TSPAN15: variants seen among roughly 807,000 people sequenced by gnomAD.
The protein encoded by TSPAN15 is tetraspanin 15, also known as tetraspanin-15.
TSPAN15 carries 20 observed loss-of-function variants against 34.5 expected under a neutral mutation model. That is an observed-to-expected ratio of 0.58 (90% CI 0.41 to 0.84). The LOEUF is 0.84. TSPAN15 is among the 40% of genes least tolerant of loss of function. TSPAN15 has a pLI of 0.00. For missense variants in TSPAN15, 313 were observed against 386.1 expected (o/e 0.81, Z 1.59); for synonymous variants, 155 against 153.9 (o/e 1.01, Z -0.05).
At chr10:69,502,242 A>G (rs956451251) in intron 5 of TSPAN15, among the ~76,000 whole-genome samples, 3 of 152,240 alleles carry the variant, frequency 2.0e-5, no homozygotes, top group African/African-American at 7.2e-5. Flanking sequence ...AGAAGTTCAC[A>G]TAGGGCTGTA....
chr10:69,455,086 C>T (rs891308869), intron 1 of TSPAN15, among the ~76,000 whole-genome samples: 4 of 144,608 alleles, frequency 2.8e-5, no homozygotes, highest in Non-Finnish European at 4.5e-5. Flanking sequence ...CGCTAGAACC[C>T]GGGAAGCGGA....
chr10:69,480,020 T>C (rs1474696094), intron 1 of TSPAN15, among the ~76,000 whole-genome samples: 1 of 152,218 alleles, frequency 6.6e-6, no homozygotes, highest in Non-Finnish European at 1.5e-5. Context: ...ATGGCAATGC[T>C]TTATAACAGC....
At chr10:69,512,870 T>C in the TSPAN15 span, among the ~76,000 whole-genome samples, 1 of 152,268 alleles carries the variant, frequency 6.6e-6, no homozygotes, top group South Asian at 2.1e-4. Context: ...TTTTTGTTGT[T>C]GTTACAAATA....
At chr10:69,511,156 A>C (rs1842410921), downstream of TSPAN15, among the ~76,000 whole-genome samples, 1 of 152,222 alleles carries the variant, frequency 6.6e-6, no homozygotes, top group South Asian at 2.1e-4. Flanking sequence ...GAATGGTACC[A>C]GTTCCTCTTT....
intron 1 of TSPAN15, among the ~76,000 whole-genome samples, chr10:69,478,474 C>T (rs1238202671): frequency 2.6e-5 from 4 of 152,100 alleles, no homozygotes; most frequent in South Asian, 4.1e-4. Context: ...CCAGGAAATG[C>T]GGGCTCTGGC....
chr10:69,470,237 G>A (rs1351216296), intron 1 of TSPAN15, among the ~76,000 whole-genome samples: 5 of 152,148 alleles, frequency 3.3e-5, no homozygotes, highest in East Asian at 3.9e-4. Context: ...GGTGTGCAGC[G>A]GGAGGTATGG....
At chr10:69,533,133 C>T in the TSPAN15 span, among the ~76,000 whole-genome samples, 1 of 152,108 alleles carries the variant, frequency 6.6e-6, no homozygotes, top group Non-Finnish European at 1.5e-5. Flanking sequence ...CCTTAAAGAA[C>T]TAAAAGTAGC....
chr10:69,537,777 C>T, the TSPAN15 span, among the ~76,000 whole-genome samples: 1 of 152,166 alleles, frequency 6.6e-6, no homozygotes. Context: ...ACAGGAAGCT[C>T]TGGAAAGAGT....
intron 3 of TSPAN15, among the ~76,000 whole-genome samples, chr10:69,487,950 C>T (rs182092570): frequency 5.0e-4 from 76 of 152,310 alleles, no homozygotes; most frequent in African/African-American, 1.8e-3. Context: ...TCCTCACTGA[C>T]GCCTCTCCGC....
Position 69,483,861 on chromosome 10 carries a change from G to C in TSPAN15, c.267G>C (p.Leu89=), listed in dbSNP as rs766771115. Residue 89 remains leucine, a synonymous_variant, in exon 2 of 8, where the codon CTG becomes CTC. Coordinates refer to ENST00000373290, the MANE Select transcript of TSPAN15 (RefSeq NM_012339.5). The stretch of plus-strand genomic sequence containing the variant: ...TGCTGGCGTCCCTCCGTGACAACCT[G>C]TACCTTCTCCAAGCAGTGAGTGGAC... The part of the protein sequence containing the change: ...IGVLASLRDN[L]YLLQAFMYIL... 3 of 1,613,684 alleles carry C rather than the reference G, an allele frequency of 1.9e-6. No individual in the cohort carries two copies. The highest frequency in any genetic ancestry group is 3.3e-5 in the Admixed American group (2 of 60,016).
rs774254503 is a variant in TSPAN15, at chr10:69,504,486, G to T, written c.618+1G>T. 3.1e-6 allele frequency: 5 copies of T among 1,614,028 alleles called. No homozygotes were observed. The highest frequency in any genetic ancestry group is 4.2e-6 in the Non-Finnish European group (5 of 1,179,882). On this transcript the variant is annotated splice_donor_variant, in intron 6 of 7. Transcript: ENST00000373290. LOFTEE classifies it high-confidence loss of function. ...TGGCTACAAAACTATCGACAAGGAG[G>T]TAATGTCTTTGAAATGCCTTTCCCT...
intron 1 of TSPAN15, among the ~76,000 whole-genome samples, chr10:69,451,958 T>A (rs905179727): frequency 6.6e-6 from 1 of 152,248 alleles, no homozygotes; most frequent in African/African-American, 2.4e-5. Flanking sequence ...GTTTGCCCGC[T>A]GTGCGTCCGC....
chr10:69,536,666 C>T, the TSPAN15 span, among the ~76,000 whole-genome samples: 2 of 152,090 alleles, frequency 1.3e-5, no homozygotes, highest in African/African-American at 4.8e-5. Flanking sequence ...CACACCCATT[C>T]CTGATGTCTC....
chr10:69,452,096 C>G (rs1840984696), intron 1 of TSPAN15, among the ~76,000 whole-genome samples: 1 of 152,258 alleles, frequency 6.6e-6, no homozygotes, highest in Non-Finnish European at 1.5e-5. Context: ...GTTGGGAGAC[C>G]TGGATTCCGG....
chr10:69,503,970 C>T (rs1051793654), intron 5 of TSPAN15, among the ~76,000 whole-genome samples: 44 of 152,320 alleles, frequency 2.9e-4, no homozygotes, highest in African/African-American at 9.6e-4. Flanking sequence ...GTCTATGGAA[C>T]GGAAGCATGG....
At chr10:69,541,031 A>G in the TSPAN15 span, among the ~76,000 whole-genome samples, 1 of 152,282 alleles carries the variant, frequency 6.6e-6, no homozygotes, top group African/African-American at 2.4e-5. Context: ...TGAGGAACAG[A>G]GGTGCCAGGT....
chr10:69,500,865 G>A (rs919721471), intron 5 of TSPAN15, among the ~76,000 whole-genome samples: 4 of 152,124 alleles, frequency 2.6e-5, no homozygotes, highest in Non-Finnish European at 4.4e-5. Flanking sequence ...GTTATTGCAG[G>A]GGGCTGACAC....
chr10:69,465,196 CG>C (rs1297783103), intron 1 of TSPAN15, among the ~76,000 whole-genome samples: 14 of 152,086 alleles, frequency 9.2e-5, no homozygotes, highest in African/African-American at 3.4e-4. Flanking sequence ...CACTTAGCTT[CG>C]GGGTGTTGGG....
chr10:69,539,536 A>AAGAAGAAGAAGAAGAAGAAGG, the TSPAN15 span, among the ~76,000 whole-genome samples: 30 of 71,546 alleles, frequency 4.2e-4, no homozygotes, highest in Non-Finnish European at 7.2e-4. Context: ...GAAGAAGAAG[A>AAGAAGAAGAAGAAGAAGAAGG]AGGAGAAGGA....
Sources: allele counts gnomAD v4.1 joint callset (sites outside exome capture counted in the v4.1 genomes callset), GRCh38; gene constraint gnomAD v4.1.1; transcripts MANE v1.5; gene names NCBI Gene and HGNC (gene_info 2026-07-23, HGNC 2026-07-21).